Variants in PTPRN2 observed in about 807,000 individuals in gnomAD.
The protein encoded by PTPRN2 is protein tyrosine phosphatase receptor type N2.
PTPRN2 carries 74 observed loss-of-function variants against 118.8 expected under a neutral mutation model. That is an observed-to-expected ratio of 0.62 (90% CI 0.52 to 0.76). The LOEUF (loss-of-function observed/expected upper bound fraction) is 0.76, where lower values mean the gene tolerates loss of function less well. Among genes scored for constraint, PTPRN2 ranks in the 30% least tolerant of loss-of-function variants. The probability of loss-of-function intolerance (pLI) is 0.00; values close to 1 mark genes in which losing one functional copy is unlikely to be tolerated. For synonymous variants in PTPRN2, 641 were observed against 608.0 expected, an observed-to-expected ratio of 1.05 and a Z score of -0.80; for missense variants, 1,481 against 1,394.4, an observed-to-expected ratio of 1.06 and a Z score of -0.99.
At chr7:158,155,115 C>T (rs530517295) in intron 6 of PTPRN2, among the ~76,000 whole-genome samples, 1 of 152,292 alleles carries the variant, frequency 6.6e-6, no homozygotes, top group East Asian at 1.9e-4. Flanking sequence ...CAACTGGGCT[C>T]TCATAAGGCA....
intron 12 of PTPRN2, among the ~76,000 whole-genome samples, chr7:157,895,303 G>C (rs547875352): frequency 6.6e-6 from 1 of 150,764 alleles, no homozygotes; most frequent in South Asian, 2.1e-4. Flanking sequence ...CATAAAATAA[G>C]CCAGAGGATC....
At chr7:157,762,713 G>A (rs1333431796) in intron 12 of PTPRN2, among the ~76,000 whole-genome samples, 2 of 151,822 alleles carry the variant, frequency 1.3e-5, no homozygotes, top group Admixed American at 1.3e-4. Context: ...CCTGCACAAT[G>A]TGCACATGTA....
chr7:158,091,780 G>T (rs1398971611), intron 10 of PTPRN2, among the ~76,000 whole-genome samples: 1 of 150,368 alleles, frequency 6.7e-6, no homozygotes, highest in Non-Finnish European at 1.5e-5. Flanking sequence ...ATGGTTGGGT[G>T]GGTGAAGGAT....
chr7:158,106,009 C>T (rs1815654785), intron 10 of PTPRN2, among the ~76,000 whole-genome samples: 1 of 151,884 alleles, frequency 6.6e-6, no homozygotes, highest in African/African-American at 2.4e-5. Flanking sequence ...CACTGAATTC[C>T]ATCCCCATCT....
Position 158,279,080 on chromosome 7 carries a change from C to T in PTPRN2, c.277+37739G>A, listed in dbSNP as rs969827929. On this transcript the variant is annotated intron_variant, in intron 3 of 22. Coordinates refer to ENST00000389418, the MANE Select transcript of PTPRN2 (RefSeq NM_002847.5). ...ACTGTGAACAGCAAAAAAACAAACC[C>T]TCCACACTGTGGAATGGGACCCAAC... Among the ~76,000 whole-genome samples the T allele has an allele frequency of 4.6e-5, 7 of 152,190 alleles. No homozygotes were observed. The East Asian group carries it at 1.3e-3, about 29-fold the overall frequency.
intron 3 of PTPRN2, among the ~76,000 whole-genome samples, chr7:158,276,544 G>C (rs1028760744): frequency 5.1e-4 from 72 of 141,756 alleles, no homozygotes; most frequent in Admixed American, 3.5e-4. Flanking sequence ...CTGTAAGGCA[G>C]CACCCCCACA....
intron 9 of PTPRN2, among the ~76,000 whole-genome samples, chr7:158,131,440 C>A (rs1010177139): frequency 2.7e-4 from 40 of 148,056 alleles, no homozygotes; most frequent in Non-Finnish European, 5.9e-5. Flanking sequence ...CACGAACATA[C>A]AAACTGAAAC....
intron 3 of PTPRN2, among the ~76,000 whole-genome samples, chr7:158,312,715 A>G (rs1801943007): frequency 4.3e-5 from 2 of 46,202 alleles, no homozygotes; most frequent in African/African-American, 6.1e-5. Context: ...ACGTGCTCAC[A>G]TATAGATACC....
rs557212016 is a variant in PTPRN2 at position 158,006,097 on chromosome 7, T to C, written c.1723+75201A>G. 6.2e-4 allele frequency among the ~76,000 whole-genome samples: 95 copies of C among 152,318 alleles called. 1 individual carries two copies. The highest frequency in any genetic ancestry group is 2.2e-3 in the African/African-American group (91 of 41,574). On this transcript the variant is annotated intron_variant, in intron 11 of 22. Transcript: ENST00000389418. ...GCTTCTGCTGTGAACCTCTCCCTTC[T>C]TGGGGCACCTGCTGCCCCTTCCTCC...
chr7:157,595,485 T>A (rs1362850482), intron 16 of PTPRN2, among the ~76,000 whole-genome samples, 170 bp from the exon 17 acceptor site: 1 of 144,968 alleles, frequency 6.9e-6, no homozygotes, highest in South Asian at 2.1e-4. Context: ...GCCAGGAGGT[T>A]AGGAAGCCTG....
At chr7:158,351,946 G>A (rs1477130592) in intron 2 of PTPRN2, among the ~76,000 whole-genome samples, 18 of 111,372 alleles carry the variant, frequency 1.6e-4, no homozygotes, top group African/African-American at 5.8e-4. Flanking sequence ...CCTCCTGACC[G>A]CTCCCCTCCT....
intron 11 of PTPRN2, among the ~76,000 whole-genome samples, chr7:157,991,542 C>T (rs950515471): frequency 2.6e-5 from 4 of 152,286 alleles, no homozygotes; most frequent in East Asian, 1.9e-4. Flanking sequence ...AACTCAGGGC[C>T]GGTTTCCCTC....
intron 11 of PTPRN2, among the ~76,000 whole-genome samples, chr7:157,916,041 T>G (rs1798374725): frequency 6.6e-6 from 1 of 152,258 alleles, no homozygotes; most frequent in Admixed American, 6.5e-5. Context: ...TCTAATGATT[T>G]TATATTATGC....
intron 3 of PTPRN2, among the ~76,000 whole-genome samples, chr7:158,230,616 T>C (rs1355104562): frequency 6.6e-6 from 1 of 152,124 alleles, no homozygotes; most frequent in Non-Finnish European, 1.5e-5. Context: ...GTTATATGTT[T>C]AAGTTGTTTT....
At chr7:158,193,299 G>A (rs531069590) in intron 4 of PTPRN2, among the ~76,000 whole-genome samples, 161 of 152,342 alleles carry the variant, frequency 1.1e-3, no homozygotes, top group South Asian at 3.7e-3. Context: ...CCAGGAGGCA[G>A]CTGGACGTGT....
At chr7:157,663,492 C>T (rs190744286) in intron 13 of PTPRN2, among the ~76,000 whole-genome samples, 8 of 152,338 alleles carry the variant, frequency 5.3e-5, no homozygotes, top group Admixed American at 2.6e-4. Flanking sequence ...GGAACGGGGT[C>T]GGGCCAGCTC....
intron 11 of PTPRN2, among the ~76,000 whole-genome samples, chr7:157,966,853 C>T (rs1427433835): frequency 1.3e-5 from 2 of 152,206 alleles, no homozygotes; most frequent in African/African-American, 4.8e-5. Flanking sequence ...TCACAATGGT[C>T]ACTATCATCA....
At chr7:158,319,474 A>AGCCTCCCTCCCTCACACACAC (rs1256486494) in intron 2 of PTPRN2, among the ~76,000 whole-genome samples, 1 of 54,404 alleles carries the variant, frequency 1.8e-5, no homozygotes, top group African/African-American at 8.0e-5. Context: ...CCTCACACAC[A>AGCCTCCCTCCCTCACACACAC]AGCACAGCCT....
At chr7:158,054,465 C>T (rs1032626800) in intron 11 of PTPRN2, among the ~76,000 whole-genome samples, 1 of 152,236 alleles carries the variant, frequency 6.6e-6, no homozygotes. Flanking sequence ...CACACATTTA[C>T]CGGCTGTTTT....
Sources: gnomAD v4.1 joint callset for allele counts (sites outside exome capture counted in the v4.1 genomes callset) on GRCh38, gnomAD v4.1.1 for gene constraint, MANE v1.5 for transcripts, NCBI Gene and HGNC (gene_info 2026-07-23, HGNC 2026-07-21) for gene names.